RHOBTB3: variants seen among roughly 807,000 people sequenced by gnomAD.
RHOBTB3 encodes rho-related BTB domain-containing protein 3.
A neutral mutation model predicts 67.2 loss-of-function variants in RHOBTB3; 47 were observed. The observed-to-expected ratio is 0.70, with a 90% CI of 0.55 to 0.89. RHOBTB3 has a LOEUF of 0.89. Ranked by LOEUF, RHOBTB3 falls within the 40% of genes least tolerant of loss-of-function variation. The pLI is 0.00. For synonymous variants in RHOBTB3, 273 were observed against 274.2 expected, an observed-to-expected ratio of 1.00 and a Z score of 0.04; for missense variants, 631 against 750.0, an observed-to-expected ratio of 0.84 and a Z score of 1.85.
chr5:95,772,229 G>A (rs1745736256), intron 8 of RHOBTB3, among the ~76,000 whole-genome samples: 1 of 152,196 alleles, frequency 6.6e-6, no homozygotes, highest in Admixed American at 6.5e-5. Flanking sequence ...GTTATATGGT[G>A]AACATATGAG....
intron 10 of RHOBTB3, among the ~76,000 whole-genome samples, chr5:95,787,106 T>G (rs1356299277): frequency 1.3e-5 from 2 of 152,252 alleles, no homozygotes; most frequent in Non-Finnish European, 2.9e-5. Flanking sequence ...AATTCTTCAT[T>G]TTTAAGCATG....
intron 9 of RHOBTB3, among the ~76,000 whole-genome samples, chr5:95,781,056 C>A (rs74737596): frequency 0.033 from 5,098 of 152,248 alleles, 106 homozygotes; most frequent in Non-Finnish European, 0.052. Flanking sequence ...GACCAGGAAC[C>A]AAACATCTGT....
intron 1 of RHOBTB3, among the ~76,000 whole-genome samples, chr5:95,717,996 A>G (rs573305152): frequency 4.6e-5 from 7 of 152,366 alleles, no homozygotes; most frequent in African/African-American, 1.4e-4. Flanking sequence ...CTAAGAACTT[A>G]TAAAATATTT....
chr5:95,788,849 G>T lies in RHOBTB3; in HGVS notation c.1711G>T (p.Asp571Tyr). The part of the protein sequence containing the change: ...LIFSQKPEFQ[D>Y]LSVEERSFVE... ...CTTCAGTCAAAAGCCTGAATTTCAG[G>T]ATCTTTCAGGTAGATTGCTAATTTC... is the stretch of plus-strand genomic sequence containing the variant. The change falls in exon 11 of 12, where the codon GAT becomes TAT. Residue 571 changes from aspartate to tyrosine, a missense_variant. By Grantham distance (160) the Asp-to-Tyr change is radical. Coordinates refer to ENST00000379982, the MANE Select transcript of RHOBTB3 (RefSeq NM_014899.4). 6.5e-7 allele frequency: 1 copy of T among 1,542,268 alleles called. No homozygotes were observed. Among genetic ancestry groups the T allele is most frequent in the South Asian group, 1.3e-5 (1 of 78,532 alleles).
At chr5:95,755,918 G>A in intron 6 of RHOBTB3, 157 bp downstream of exon 6, 1 of 693,770 alleles carries the variant, frequency 1.4e-6, no homozygotes, top group Admixed American at 2.9e-5. Flanking sequence ...TTATATATAA[G>A]AATTGGTCCA....
At chr5:95,735,482 C>T (rs567271928) in intron 2 of RHOBTB3, among the ~76,000 whole-genome samples, 1 of 152,258 alleles carries the variant, frequency 6.6e-6, no homozygotes, top group Non-Finnish European at 1.5e-5. Flanking sequence ...CAGAATGTGC[C>T]ATCGTAGGAT....
At chr5:95,784,653 G>T (rs1746166540) in intron 10 of RHOBTB3, among the ~76,000 whole-genome samples, 1 of 152,152 alleles carries the variant, frequency 6.6e-6, no homozygotes, top group African/African-American at 2.4e-5. Context: ...CAGTTACAGA[G>T]GCCCTAAATT....
At chr5:95,775,800 C>CA (rs956023067) in intron 8 of RHOBTB3, among the ~76,000 whole-genome samples, 17 of 145,942 alleles carry the variant, frequency 1.2e-4, no homozygotes, top group Admixed American at 2.0e-4. Flanking sequence ...TACACCAAAC[C>CA]AAAAAAAAAA....
At chr5:95,780,836 TG>T (rs1746026958) in intron 9 of RHOBTB3, among the ~76,000 whole-genome samples, 1 of 152,174 alleles carries the variant, frequency 6.6e-6, no homozygotes, top group South Asian at 2.1e-4. Context: ...GACTTCTGAT[TG>T]GGGCACTTTT....
intron 10 of RHOBTB3, among the ~76,000 whole-genome samples, chr5:95,787,491 A>C (rs1001099995): frequency 6.6e-6 from 1 of 150,988 alleles, no homozygotes; most frequent in Non-Finnish European, 1.5e-5. Flanking sequence ...TTTTTTTATT[A>C]AGGTTTAGAG....
At chr5:95,717,883 A>C (rs935609967) in intron 1 of RHOBTB3, 6 of 152,228 alleles carry the variant, frequency 3.9e-5, no homozygotes, top group African/African-American at 1.2e-4. Context: ...ACAGTTAAGC[A>C]GGTATTTGGT....
intron 3 of RHOBTB3, among the ~76,000 whole-genome samples, chr5:95,740,251 C>T (rs918753306): frequency 6.6e-5 from 10 of 152,158 alleles, no homozygotes; most frequent in Non-Finnish European, 1.3e-4. Flanking sequence ...ATTACCCAGT[C>T]TCAGGTATGT....
intron 6 of RHOBTB3, 44 bp from the exon 7 acceptor site, chr5:95,763,464 C>T (rs759748932): frequency 9.0e-7 from 1 of 1,109,798 alleles, no homozygotes; most frequent in Admixed American, 2.0e-5. Flanking sequence ...TTTGTTACTT[C>T]CTCATTTAAC....
At chr5:95,776,176 T>C (rs1745873486) in intron 8 of RHOBTB3, among the ~76,000 whole-genome samples, 4 of 152,124 alleles carry the variant, frequency 2.6e-5, no homozygotes, top group African/African-American at 9.7e-5. Flanking sequence ...GGAGGCCAAG[T>C]TGGGTGGATC....
chr5:95,741,654 TGC>T (rs750391479), intron 3 of RHOBTB3, among the ~76,000 whole-genome samples: 2 of 151,452 alleles, frequency 1.3e-5, no homozygotes. Flanking sequence ...TGACCACATC[TGC>T]CTTCTAATCT....
intron 8 of RHOBTB3, 38 bp from the exon 9 acceptor site, chr5:95,780,214 A>C (rs193233872): frequency 1.3e-6 from 2 of 1,584,378 alleles, no homozygotes; most frequent in Admixed American, 3.4e-5. Flanking sequence ...CTGCAGGTTT[A>C]TCTCACTTGT....
chr5:95,769,949 G>A (rs1745659570), intron 8 of RHOBTB3: 1 of 423,798 alleles, frequency 2.4e-6, no homozygotes, highest in East Asian at 7.0e-5. Context: ...CTCCAGGTTT[G>A]TTGACAATAG....
At position 95,793,784 on chromosome 5, in the gene RHOBTB3, C is replaced by T. The variant is rs919935016; in HGVS notation, c.*610C>T. 6.2e-5 allele frequency: 18 copies of T among 292,522 alleles called. No individual in the cohort carries two copies. The highest frequency in any genetic ancestry group is 2.9e-4 in the African/African-American group (13 of 45,526). 18.1% of individuals were successfully genotyped at this position (292,522 alleles called of 1,614,324 possible). On this transcript the variant is annotated 3_prime_UTR_variant, in exon 12 of 12. Transcript: ENST00000379982. ...ATCTCCTTTTGGCAATCTGAGTAGG[C>T]GGGGAACCTAGGCAGGGCTGGCTTT... is the stretch of plus-strand genomic sequence containing the variant.
At chr5:95,737,206 C>G (rs1580395712) in intron 3 of RHOBTB3, 131 bp downstream of exon 3, 1 of 579,572 alleles carries the variant, frequency 1.7e-6, no homozygotes. Context: ...ATGCCAGCTG[C>G]TATCGCTTCA....
Sources: gnomAD v4.1 joint callset for allele counts (sites outside exome capture counted in the v4.1 genomes callset) on GRCh38, gnomAD v4.1.1 for gene constraint, MANE v1.5 for transcripts, NCBI Gene and HGNC (gene_info 2026-07-23, HGNC 2026-07-21) for gene names.